Variants in OPCML observed in about 807,000 individuals in gnomAD.
The protein encoded by OPCML is opioid-binding protein/cell adhesion molecule.
A neutral mutation model predicts 37.8 loss-of-function variants in OPCML; 13 were observed. The ratio of observed to expected loss-of-function variants is 0.34; its 90% confidence interval spans 0.22 to 0.55. OPCML has a LOEUF of 0.55. Among genes scored for constraint, OPCML ranks in the 20% least tolerant of loss-of-function variants. The pLI is 0.91. For missense variants in OPCML, 341 were observed against 435.6 expected (o/e 0.78, Z 1.93); for synonymous variants, 176 against 168.8 (o/e 1.04, Z -0.33).
Position 133,213,223 on chromosome 11 carries a change from GTTTT to G in OPCML, c.62-270217_62-270214del, listed in dbSNP as rs35872459. ...AGAGAGGACATGATATTCATAATGA[GTTTT>G]TTTTTTTTTTTTTTTGCCAAATGTT... On this transcript the variant is annotated intron_variant, in intron 1 of 7. Transcript: ENST00000524381. 2.4e-3 allele frequency among the ~76,000 whole-genome samples: 305 copies of G among 126,394 alleles called. 1 individual carries two copies. The highest frequency in any genetic ancestry group is 7.9e-3 in the African/African-American group (275 of 34,614). The allele number at this position is 126,394 out of a possible 152,430, so 82.9% of individuals were successfully genotyped here. A position where few individuals can be genotyped will look rare whatever the true frequency, so the allele number is the denominator to read the frequency against.
At chr11:133,236,105 C>T (rs191599864) in intron 1 of OPCML, among the ~76,000 whole-genome samples, 2 of 152,236 alleles carry the variant, frequency 1.3e-5, no homozygotes, top group Admixed American at 6.5e-5. Flanking sequence ...TAAAATAGAA[C>T]AATGATGACC....
At chr11:133,196,334 C>A (rs1014786576) in intron 1 of OPCML, among the ~76,000 whole-genome samples, 1 of 152,204 alleles carries the variant, frequency 6.6e-6, no homozygotes, top group Admixed American at 6.5e-5. Flanking sequence ...GCTGTTCAGT[C>A]CAACTCTTTA....
At chr11:132,816,581 T>C (rs967364374) in intron 2 of OPCML, among the ~76,000 whole-genome samples, 5 of 152,154 alleles carry the variant, frequency 3.3e-5, no homozygotes, top group Non-Finnish European at 7.3e-5. Context: ...GATTTCTTGT[T>C]TATAGCAGGA....
In OPCML at chr11:132,456,042, C is replaced by T. The variant is rs1448374422; in HGVS notation, c.506-18683G>A. 2.0e-5 allele frequency among the ~76,000 whole-genome samples: 3 copies of T among 152,106 alleles called. No individual in the cohort carries two copies. In the East Asian group the frequency reaches 5.8e-4, roughly 29 times the overall value. Reference sequence around the variant, plus strand: ...GGGGTAGAGGGGAGGTATAGGAATTCAAGGTTTTGTAGTCTAGTGCTCACT... The same window carrying T: ...GGGGTAGAGGGGAGGTATAGGAATTTAAGGTTTTGTAGTCTAGTGCTCACT... On this transcript the variant is annotated intron_variant, in intron 4 of 7. Transcript: ENST00000524381.
At chr11:132,968,459 GA>G (rs1476939096) in intron 1 of OPCML, among the ~76,000 whole-genome samples, 1 of 152,070 alleles carries the variant, frequency 6.6e-6, no homozygotes, top group East Asian at 1.9e-4. Flanking sequence ...CTTCCTCCTT[GA>G]AATTCTCAGC....
intron 1 of OPCML, among the ~76,000 whole-genome samples, chr11:133,339,255 A>G (rs1052609919): frequency 1.3e-5 from 2 of 152,232 alleles, no homozygotes; most frequent in African/African-American, 4.8e-5. Flanking sequence ...TAATTCACAC[A>G]ATTCCCATAA....
intron 2 of OPCML, among the ~76,000 whole-genome samples, chr11:132,675,832 G>T (rs1046261536): frequency 3.3e-5 from 5 of 152,128 alleles, no homozygotes; most frequent in South Asian, 2.1e-4. Flanking sequence ...CCCATGAATT[G>T]GACAATTTAA....
At chr11:133,343,111 G>A (rs1943914227) in intron 1 of OPCML, among the ~76,000 whole-genome samples, 1 of 152,146 alleles carries the variant, frequency 6.6e-6, no homozygotes, top group Non-Finnish European at 1.5e-5. Flanking sequence ...TTACAGGCAT[G>A]AGCCACTGTG....
chr11:133,140,862 C>CGACGACGACGAAGAAGAG (rs1949784819), intron 1 of OPCML, among the ~76,000 whole-genome samples: 1 of 38,990 alleles, frequency 2.6e-5, no homozygotes, highest in African/African-American at 8.4e-5. Context: ...ACGAAGAAGA[C>CGACGACGACGAAGAAGAG]GACGACGACG....
chr11:133,271,386 A>T (rs1266496357), intron 1 of OPCML, among the ~76,000 whole-genome samples: 1 of 152,182 alleles, frequency 6.6e-6, no homozygotes, highest in East Asian at 1.9e-4. Flanking sequence ...ACATTGATAG[A>T]TGTTGTCTGA....
chr11:133,241,203 C>T (rs1940718722), intron 1 of OPCML, among the ~76,000 whole-genome samples: 1 of 152,236 alleles, frequency 6.6e-6, no homozygotes, highest in Non-Finnish European at 1.5e-5. Context: ...ACTCTTGTAA[C>T]ATCCAATGCT....
At chr11:132,434,458 T>C (rs570644728) in intron 7 of OPCML, among the ~76,000 whole-genome samples, 37 of 152,260 alleles carry the variant, frequency 2.4e-4, no homozygotes, top group Non-Finnish European at 4.4e-5. Context: ...TGTGTGCCTG[T>C]TTCTCTTTGC....
At chr11:132,667,125 G>A (rs1942259800) in intron 2 of OPCML, among the ~76,000 whole-genome samples, 1 of 152,248 alleles carries the variant, frequency 6.6e-6, no homozygotes, top group African/African-American at 2.4e-5. Context: ...TCAAAGTGGA[G>A]TGGGGAAAAG....
intron 1 of OPCML, among the ~76,000 whole-genome samples, chr11:133,513,371 A>G (rs1011479214): frequency 1.3e-5 from 2 of 152,262 alleles, no homozygotes; most frequent in African/African-American, 2.4e-5. Context: ...CAACACTGCA[A>G]TTTGGAGGTT....
At chr11:133,188,291 TG>T (rs1427182112) in intron 1 of OPCML, among the ~76,000 whole-genome samples, 1 of 152,184 alleles carries the variant, frequency 6.6e-6, no homozygotes, top group Non-Finnish European at 1.5e-5. Flanking sequence ...ACTGTATCTT[TG>T]GGAAAGCTTC....
intron 2 of OPCML, among the ~76,000 whole-genome samples, chr11:132,738,283 G>A (rs79923418): frequency 0.068 from 10,390 of 152,130 alleles, 497 homozygotes; most frequent in Non-Finnish European, 0.11. Context: ...GTATAATGTC[G>A]CCTGTACTTC....
At chr11:133,342,201 C>G (rs2136672918) in intron 1 of OPCML, among the ~76,000 whole-genome samples, 1 of 152,216 alleles carries the variant, frequency 6.6e-6, no homozygotes, top group African/African-American at 2.4e-5. Flanking sequence ...TCCCTAGAGG[C>G]CTCCATCTTT....
chr11:132,737,622 C>A (rs745739100), intron 2 of OPCML, among the ~76,000 whole-genome samples: 1 of 152,080 alleles, frequency 6.6e-6, no homozygotes, highest in Non-Finnish European at 1.5e-5. Context: ...ATGTTGCTGA[C>A]CTTTACTTTT....
At chr11:133,224,196 C>T (rs894720127) in intron 1 of OPCML, among the ~76,000 whole-genome samples, 2 of 152,090 alleles carry the variant, frequency 1.3e-5, no homozygotes, top group Admixed American at 6.5e-5. Flanking sequence ...CAAAAGTGGC[C>T]GGTGGTGGTT....
Sources: allele counts gnomAD v4.1 joint callset (sites outside exome capture counted in the v4.1 genomes callset), GRCh38; gene constraint gnomAD v4.1.1; transcripts MANE v1.5; gene names NCBI Gene and HGNC (gene_info 2026-07-23, HGNC 2026-07-21).